RIF1: variants seen among roughly 807,000 people sequenced by gnomAD.
RIF1 encodes replication timing regulatory factor 1.
RIF1 carries 45 observed loss-of-function variants against 247.1 expected under a neutral mutation model. The ratio of observed to expected loss-of-function variants is 0.18; its 90% CI spans 0.14 to 0.23. The LOEUF (loss-of-function observed/expected upper bound fraction) is 0.23, where lower values mean the gene tolerates loss of function less well. Ranked by LOEUF, RIF1 falls within the 10% of genes least tolerant of loss-of-function variation. The pLI, the probability that RIF1 is intolerant of heterozygous loss-of-function variation, is 1.00. For missense variants in RIF1, 2,967 were observed against 2,862.5 expected (o/e 1.04, Z -0.83); for synonymous variants, 1,087 against 978.8 (o/e 1.11, Z -2.06).
chr2:151,527,506 G>A, the RIF1 span: 2 of 1,613,306 alleles, frequency 1.2e-6, no homozygotes, highest in Non-Finnish European at 1.7e-6. Flanking sequence ...GGATGACTTG[G>A]CAGCCTGGAG....
In RIF1 at chr2:151,497,317, C is replaced by A. The variant is rs2060894449; in HGVS notation, c.*513+1991C>A. On this transcript the variant is annotated intron_variant and NMD_transcript_variant, in intron 10 of 13. Coordinates refer to the RIF1 transcript ENST00000454583. ...TCCTTTTTTGTGAGTACCATGCCTC[C>A]TAAACAATTATATGAGGATTTGAGA... 8 of 978,732 alleles carry A rather than the reference C, an allele frequency of 8.2e-6. No homozygotes were observed. In the South Asian group the frequency reaches 3.3e-4, roughly 41 times the overall value. The allele number at this position is 978,732 out of a possible 1,614,324, so 60.6% of individuals were successfully genotyped here.
At chr2:151,433,055 T>C (rs1690476823) in intron 9 of RIF1, 22 bp from the exon 10 acceptor site, 1 of 1,595,924 alleles carries the variant, frequency 6.3e-7, no homozygotes, top group African/African-American at 1.3e-5. Context: ...TCTCTTTAAC[T>C]GTGTGCTTAT....
At chr2:151,460,203 C>T in intron 26 of RIF1, 84 bp downstream of exon 26, 1 of 1,053,406 alleles carries the variant, frequency 9.5e-7, no homozygotes, top group Non-Finnish European at 1.3e-6. Flanking sequence ...GATGAAAGAA[C>T]TATAAAAGAC....
At chr2:151,442,856 A>T (rs1365822380) in intron 16 of RIF1, among the ~76,000 whole-genome samples, 1 of 142,288 alleles carries the variant, frequency 7.0e-6, no homozygotes, top group Non-Finnish European at 1.5e-5. Flanking sequence ...ACTGCAACCT[A>T]ATTCTCCCGG....
chr2:151,462,442 G>T lies in RIF1; in HGVS notation c.3339G>T (p.Lys1113Asn). The change falls in exon 29 of 36, where the codon AAG (lysine) becomes AAT (asparagine). Residue 1113 changes from lysine to asparagine, a missense_variant. Around this residue, in one of 7 missense-constraint regions of RIF1, gnomAD observed 2,028 missense variants for 1,825.6 expected, o/e 1.11. Transcript: ENST00000444746. ...TTCCTACTTTAACCAGAAAACCAAAGGAGGATTCTAAGATGATGATTACGG... is the reference window on the plus strand; with the variant it reads ...TTCCTACTTTAACCAGAAAACCAAATGAGGATTCTAAGATGATGATTACGG... The part of the protein sequence containing the change: ...MEIPTLTRKP[K>N]EDSKMMITEE... The T allele has an allele frequency of 6.4e-7, 1 of 1,563,856 alleles. No individual in the cohort carries two copies. Among genetic ancestry groups the T allele is most frequent in the Non-Finnish European group, 8.7e-7 (1 of 1,153,364 alleles).
rs1448700580 is a variant in RIF1, at chr2:151,480,507, A to G, written c.*5436A>G. 6.6e-6 allele frequency: 1 copy of G among 152,200 alleles called. No homozygotes were observed. The highest frequency in any genetic ancestry group is 1.5e-5 in the Non-Finnish European group (1 of 68,014). The allele number at this position is 152,200 out of a possible 1,614,324, so 9.4% of individuals were successfully genotyped here. On this transcript the variant is annotated 3_prime_UTR_variant, in exon 36 of 36. Coordinates refer to ENST00000444746, the MANE Select transcript of RIF1 (RefSeq NM_018151.5). ...TGATAGCCTATAGTCTCTGAGAGCT[A>G]TTCTGTACATAGCACAGTATTATAA...
chr2:151,433,235 T>TTAC lies in RIF1; in HGVS notation c.1077+8_1077+10dup. 1 of 1,606,270 alleles carries TTAC rather than the reference T, an allele frequency of 6.2e-7. No homozygotes were observed. The highest frequency in any genetic ancestry group is 8.5e-7 in the Non-Finnish European group (1 of 1,173,830). On this transcript the variant is annotated splice_region_variant and intron_variant, in intron 10 of 35. Transcript: ENST00000444746. ...TCCTGCTAATTTTGAACAGGTAACA[T>TTAC]TACAAGTGTTGACTATAGCACTTTA...
At chr2:151,474,213 AC>A in intron 35 of RIF1, 141 bp downstream of exon 35, 1 of 602,784 alleles carries the variant, frequency 1.7e-6, no homozygotes, top group Non-Finnish European at 3.0e-6. Flanking sequence ...TGAAAAACTA[AC>A]CGATTGGACA....
Position 151,466,093 on chromosome 2 carries a change from A to T in RIF1, c.6573A>T (p.Glu2191Asp). ...ILKRGLKRSQ[E>D]DEISSPVNKV... Reference sequence around the variant, plus strand: ...AGAGAGGACTAAAAAGATCCCAAGAAGATGAAATCTCATCACCTGTTAATA... The same window carrying T: ...AGAGAGGACTAAAAAGATCCCAAGATGATGAAATCTCATCACCTGTTAATA... Residue 2191 changes from glutamate to aspartate, a missense_variant, in exon 30 of 36, where the codon GAA becomes GAT. Transcript: ENST00000444746. The T allele has an allele frequency of 6.3e-7, 1 of 1,592,342 alleles. No individual in the cohort carries two copies. The highest frequency in any genetic ancestry group is 2.2e-5 in the East Asian group (1 of 44,562).
chr2:151,445,202 G>T, intron 18 of RIF1, 136 bp from the exon 19 acceptor site: 1 of 650,354 alleles, frequency 1.5e-6, no homozygotes, highest in South Asian at 1.8e-5. Context: ...GGTTCGAGGG[G>T]TTAAGAGTTA....
chr2:151,474,139 T>TA, intron 35 of RIF1, 67 bp downstream of exon 35: 1 of 801,916 alleles, frequency 1.2e-6, no homozygotes, highest in Non-Finnish European at 2.1e-6. Context: ...AATATGTTAT[T>TA]TTTTTTAGTC....
the RIF1 span, chr2:151,525,156 A>G: frequency 1.6e-5 from 25 of 1,604,872 alleles, no homozygotes; most frequent in Non-Finnish European, 2.1e-5. Flanking sequence ...TGAGAGGGAA[A>G]ACTTACATCA....
Position 151,461,126 on chromosome 2 carries a change from T to G in RIF1, c.3076-12T>G. 3 of 1,598,856 alleles carry G rather than the reference T, an allele frequency of 1.9e-6. No individual in the cohort carries two copies. Among genetic ancestry groups the G allele is most frequent in the Non-Finnish European group, 2.6e-6 (3 of 1,175,818 alleles). On this transcript the variant is annotated splice_polypyrimidine_tract_variant and intron_variant, in intron 26 of 35. Coordinates refer to ENST00000444746, the MANE Select transcript of RIF1 (RefSeq NM_018151.5). ...CTAAAATGTACATTTGCTTATTTTT[T>G]CAAATCTGCAGCTGAAACTTGAATC...
chr2:151,432,368 C>A (rs1690327005), intron 9 of RIF1, among the ~76,000 whole-genome samples: 1 of 152,106 alleles, frequency 6.6e-6, no homozygotes, highest in Non-Finnish European at 1.5e-5. Flanking sequence ...TTTTACATAT[C>A]CCCAGTCTTA....
intron 12 of RIF1, chr2:151,505,680 AAAT>A: frequency 1.1e-6 from 1 of 880,990 alleles, no homozygotes; most frequent in Non-Finnish European, 1.9e-6. Context: ...TTAACAGTGT[AAAT>A]AACGCAGGCT....
chr2:151,422,850 C>A, intron 7 of RIF1, 100 bp from the exon 8 acceptor site: 1 of 661,034 alleles, frequency 1.5e-6, no homozygotes, highest in Non-Finnish European at 2.6e-6. Context: ...ATGGAGAAAA[C>A]TATTTGGTTG....
chr2:151,488,776 G>A (rs1055568293), intron 9 of RIF1, among the ~76,000 whole-genome samples: 3 of 152,130 alleles, frequency 2.0e-5, no homozygotes, highest in Non-Finnish European at 4.4e-5. Flanking sequence ...TTACTAAATA[G>A]ATAACTGGTT....
At chr2:151,489,605 T>C (rs2054401592) in intron 9 of RIF1, among the ~76,000 whole-genome samples, 1 of 152,072 alleles carries the variant, frequency 6.6e-6, no homozygotes, top group Non-Finnish European at 1.5e-5. Context: ...CTATGTTGCC[T>C]AGGCTGGTCT....
intron 22 of RIF1, among the ~76,000 whole-genome samples, chr2:151,455,576 TTAA>T (rs1207569631): frequency 6.6e-6 from 1 of 152,160 alleles, no homozygotes; most frequent in Non-Finnish European, 1.5e-5. Context: ...TTTAGAAAAA[TTAA>T]TAAAATGAAT....
Sources: allele counts gnomAD v4.1 joint callset (sites outside exome capture counted in the v4.1 genomes callset), GRCh38; gene constraint gnomAD v4.1.1; regional missense constraint gnomAD v4.1.1; transcripts MANE v1.5; gene names NCBI Gene and HGNC (gene_info 2026-07-23, HGNC 2026-07-21).